The following LGMN variants were observed in gnomAD, a reference collection of about 807,000 sequenced individuals.
The protein encoded by LGMN is legumain.
A neutral mutation model predicts 56.8 loss-of-function variants in LGMN; 36 were observed. The observed-to-expected ratio is 0.63, with a 90% CI of 0.49 to 0.84. The LOEUF is 0.84. LGMN is among the 40% of genes least tolerant of loss of function. The probability of loss-of-function intolerance (pLI) is 0.00; values close to 1 mark genes in which losing one functional copy is unlikely to be tolerated. For synonymous variants in LGMN, 199 were observed against 210.1 expected (o/e 0.95, Z 0.46); for missense variants, 446 against 556.1 (o/e 0.80, Z 1.99).
chr14:92,743,677 T>A (rs942875001), intron 1 of LGMN, among the ~76,000 whole-genome samples: 1 of 149,798 alleles, frequency 6.7e-6, no homozygotes, highest in Admixed American at 6.6e-5. Flanking sequence ...AGCATGCACC[T>A]GTAATCCCAG....
intron 12 of LGMN, chr14:92,705,022 T>C (rs1187047107): frequency 6.8e-6 from 2 of 294,128 alleles, no homozygotes; most frequent in African/African-American, 2.1e-5. Flanking sequence ...CCCCGGGAAG[T>C]CTGCCTTTTG....
chr14:92,719,229 C>T (rs1235751452), intron 2 of LGMN, among the ~76,000 whole-genome samples: 6 of 70,136 alleles, frequency 8.6e-5, no homozygotes, highest in Non-Finnish European at 1.3e-4. Flanking sequence ...ACACCACCAC[C>T]GCCACCGCCA....
chr14:92,708,856 C>CA (rs58813848), intron 11 of LGMN, among the ~76,000 whole-genome samples: 2,125 of 71,380 alleles, frequency 0.03, 95 homozygotes, highest in Non-Finnish European at 0.046. Flanking sequence ...ACTCTTGTCT[C>CA]AAAAAAAAAA....
intron 12 of LGMN, among the ~76,000 whole-genome samples, chr14:92,705,273 A>C (rs1001062819): frequency 6.6e-6 from 1 of 152,158 alleles, no homozygotes; most frequent in African/African-American, 2.4e-5. Flanking sequence ...AGGCCGAGGC[A>C]GGTGGGTCAC....
rs561906455 is a variant in LGMN, at chr14:92,714,262, G to A, written c.480+114C>T. 5.4e-5 allele frequency: 40 copies of A among 734,382 alleles called. No homozygotes were observed. The highest frequency in any genetic ancestry group is 4.2e-4 in the South Asian group (24 of 57,322). 45.5% of individuals were successfully genotyped at this position (734,382 alleles called of 1,614,324 possible). A position where few individuals can be genotyped will look rare whatever the true frequency, so the allele number is the denominator to read the frequency against. The stretch of plus-strand genomic sequence containing the variant: ...TGTCCCCCACTCCCACCCACCACAC[G>A]TACAAACCAACCCTGGCAGGACACT... On this transcript the variant is annotated intron_variant, in intron 6 of 13. Coordinates refer to ENST00000334869, the MANE Select transcript of LGMN (RefSeq NM_005606.7). The surrounding 1 kb of genome is among the most constrained non-coding windows in gnomAD (Gnocchi z 5.1).
intron 12 of LGMN, chr14:92,704,927 C>A (rs55672302): frequency 6.0e-6 from 3 of 499,884 alleles, no homozygotes; most frequent in African/African-American, 3.8e-5. Context: ...GGGGGGCTGG[C>A]GGGGTTCTGC....
chr14:92,743,958 A>C (rs1365554537), intron 1 of LGMN, among the ~76,000 whole-genome samples: 2 of 151,838 alleles, frequency 1.3e-5, no homozygotes, highest in African/African-American at 4.8e-5. Context: ...GATCAATACC[A>C]TCCTGGCGAA....
Position 92,707,180 on chromosome 14 carries a change from C to G in LGMN, c.1021-527G>C, listed in dbSNP as rs532286753. ...GCCGAGGCAGGAGGATCACTTGAGG[C>G]CAGCAGTTCCAGACCGGCCTGGGCA... On this transcript the variant is annotated intron_variant, in intron 11 of 13. Transcript: ENST00000334869. Among the ~76,000 whole-genome samples, 3 of 152,124 alleles carry G rather than the reference C, an allele frequency of 2.0e-5. No homozygotes were observed. In the South Asian group the frequency reaches 6.2e-4, roughly 32 times the overall value.
chr14:92,734,287 G>A (rs1413236431), intron 1 of LGMN, among the ~76,000 whole-genome samples: 3 of 152,294 alleles, frequency 2.0e-5, no homozygotes, highest in Middle Eastern at 3.4e-3. Context: ...CGGCTGGTCC[G>A]GCACTCTTTC....
chr14:92,713,500 A>C (rs1225479080), intron 7 of LGMN, among the ~76,000 whole-genome samples: 1 of 152,188 alleles, frequency 6.6e-6, no homozygotes, highest in Non-Finnish European at 1.5e-5. Flanking sequence ...CAGTCCTAGG[A>C]ATAGGAGTCT....
intron 2 of LGMN, among the ~76,000 whole-genome samples, chr14:92,719,721 A>T (rs1890360713): frequency 6.6e-6 from 1 of 152,250 alleles, no homozygotes. Context: ...ATTATAAATA[A>T]GAGAAAAATG....
chr14:92,743,868 A>T (rs1025938215), intron 1 of LGMN, among the ~76,000 whole-genome samples: 1 of 152,044 alleles, frequency 6.6e-6, no homozygotes, highest in African/African-American at 2.4e-5. Flanking sequence ...TCAGATGAAA[A>T]ATCTAGGCCA....
chr14:92,736,716 C>A (rs1459888542), intron 1 of LGMN, among the ~76,000 whole-genome samples: 1 of 152,286 alleles, frequency 6.6e-6, no homozygotes, highest in African/African-American at 2.4e-5. Flanking sequence ...GTTCCCTTAA[C>A]CATAAACATC....
chr14:92,737,721 T>G (rs1891368812), intron 1 of LGMN, among the ~76,000 whole-genome samples: 1 of 152,230 alleles, frequency 6.6e-6, no homozygotes, highest in Non-Finnish European at 1.5e-5. Flanking sequence ...TCTTGTTAAT[T>G]GGACTCTGGA....
intron 1 of LGMN, among the ~76,000 whole-genome samples, chr14:92,738,675 G>A (rs553805851): frequency 2.1e-4 from 32 of 151,856 alleles, no homozygotes; most frequent in African/African-American, 7.5e-4. Context: ...TGACTACAAC[G>A]CTATATTAAA....
At chr14:92,719,404 G>T (rs115464693) in intron 2 of LGMN, among the ~76,000 whole-genome samples, 1 of 143,112 alleles carries the variant, frequency 7.0e-6, no homozygotes. Flanking sequence ...CACCAACACC[G>T]CCACCACTAC....
chr14:92,745,173 A>G (rs1891764544), intron 1 of LGMN, among the ~76,000 whole-genome samples: 1 of 152,192 alleles, frequency 6.6e-6, no homozygotes, highest in Non-Finnish European at 1.5e-5. Context: ...AATGTCGCTC[A>G]ATGCTTAATA....
intron 1 of LGMN, among the ~76,000 whole-genome samples, chr14:92,740,785 C>A (rs1314922469): frequency 6.6e-6 from 1 of 152,184 alleles, no homozygotes; most frequent in Non-Finnish European, 1.5e-5. Context: ...AATGAACAAG[C>A]CTTTACAGAC....
chr14:92,727,429 CAAAAAAAAAAAA>C (rs35889328), intron 2 of LGMN, among the ~76,000 whole-genome samples: 5 of 47,990 alleles, frequency 1.0e-4, no homozygotes, highest in Non-Finnish European at 2.0e-4. Context: ...GACTGCCTCA[CAAAAAAAAAAAA>C]AAAAAAAAAA....
Sources: allele counts gnomAD v4.1 joint callset (sites outside exome capture counted in the v4.1 genomes callset), GRCh38; gene constraint gnomAD v4.1.1; non-coding constraint Gnocchi (gnomAD v3.1); transcripts MANE v1.5; gene names NCBI Gene and HGNC (gene_info 2026-07-23, HGNC 2026-07-21).